IL1R1: variants seen among roughly 807,000 people sequenced by gnomAD.
IL1R1 encodes the protein interleukin-1 receptor type 1.
IL1R1 carries 22 observed loss-of-function variants against 50.2 expected under a neutral mutation model. The observed-to-expected ratio is 0.44, with a 90% confidence interval of 0.31 to 0.63. IL1R1 has a LOEUF of 0.63. IL1R1 is among the 20% of genes least tolerant of loss of function. The probability of loss-of-function intolerance (pLI) is 0.07; values close to 1 mark genes in which losing one functional copy is unlikely to be tolerated. For missense variants in IL1R1, 509 were observed against 676.2 expected (o/e 0.75, Z 2.74); for synonymous variants, 251 against 236.7 (o/e 1.06, Z -0.55).
chr2:102,128,222 C>G (rs1385391011), intron 1 of IL1R1, among the ~76,000 whole-genome samples: 1 of 152,142 alleles, frequency 6.6e-6, no homozygotes, highest in East Asian at 1.9e-4. Flanking sequence ...TTACTCTTTA[C>G]CCGAAAACTC....
chr2:102,160,946 C>T (rs568623136), intron 3 of IL1R1, among the ~76,000 whole-genome samples: 8 of 152,110 alleles, frequency 5.3e-5, no homozygotes, highest in South Asian at 2.1e-4. Flanking sequence ...CAGTCACCTT[C>T]GTAAATGAAG....
chr2:102,134,176 T>G (rs1172249691), intron 1 of IL1R1, among the ~76,000 whole-genome samples: 1 of 152,184 alleles, frequency 6.6e-6, no homozygotes, highest in Non-Finnish European at 1.5e-5. Flanking sequence ...TGGCCAAAGA[T>G]ATGCAAGATC....
At chr2:102,078,341 A>T (rs1460877133) in intron 1 of IL1R1, among the ~76,000 whole-genome samples, 2 of 152,060 alleles carry the variant, frequency 1.3e-5, no homozygotes, top group African/African-American at 2.4e-5. Context: ...AAATTGAAAG[A>T]TGACTCAAAT....
chr2:102,167,106 A>T lies in IL1R1; in HGVS notation c.655+825A>T, dbSNP rs563791099. 2.6e-5 allele frequency among the ~76,000 whole-genome samples: 4 copies of T among 152,300 alleles called. No individual in the cohort carries two copies. In the East Asian group the frequency reaches 7.7e-4, roughly 29 times the overall value. On this transcript the variant is annotated intron_variant, in intron 6 of 11. Transcript: ENST00000410023. ...TTTTTTGCAGGTTATAGGGGTGACT[A>T]TTAGTAGTTATGCTGGGACAACAGG...
At chr2:102,097,005 T>C (rs1354916919) in intron 1 of IL1R1, among the ~76,000 whole-genome samples, 2 of 152,150 alleles carry the variant, frequency 1.3e-5, no homozygotes, top group Admixed American at 6.5e-5. Flanking sequence ...GTACTAACTT[T>C]CCATAAGTAT....
intron 1 of IL1R1, among the ~76,000 whole-genome samples, chr2:102,109,522 A>G (rs971744767): frequency 3.5e-4 from 53 of 152,074 alleles, no homozygotes; most frequent in African/African-American, 1.3e-3. Context: ...CTGAGTGCTG[A>G]TGTATTTGGT....
At chr2:102,147,009 G>A (rs1442012552) in intron 1 of IL1R1, among the ~76,000 whole-genome samples, 3 of 152,226 alleles carry the variant, frequency 2.0e-5, no homozygotes, top group Non-Finnish European at 2.9e-5. Context: ...TGCCGAGATA[G>A]CAGGGCACCG....
At chr2:102,079,598 C>T (rs1679119818) in intron 1 of IL1R1, among the ~76,000 whole-genome samples, 1 of 152,054 alleles carries the variant, frequency 6.6e-6, no homozygotes, top group African/African-American at 2.4e-5. Context: ...TTTAAAATCG[C>T]TCAATTAATT....
chr2:102,091,381 CT>C (rs1171855512), intron 1 of IL1R1, among the ~76,000 whole-genome samples: 3 of 152,048 alleles, frequency 2.0e-5, no homozygotes, highest in African/African-American at 7.2e-5. Flanking sequence ...GGCCATTATC[CT>C]TTGAAAGCTG....
intron 1 of IL1R1, among the ~76,000 whole-genome samples, chr2:102,120,244 C>G (rs545644375): frequency 3.9e-5 from 6 of 151,972 alleles, no homozygotes; most frequent in Admixed American, 3.3e-4. Flanking sequence ...GTTTCATGAA[C>G]GTGTGTGTGG....
At chr2:102,145,458 G>T (rs1683036215) in intron 1 of IL1R1, among the ~76,000 whole-genome samples, 1 of 152,132 alleles carries the variant, frequency 6.6e-6, no homozygotes, top group Non-Finnish European at 1.5e-5. Flanking sequence ...GCTCTTTAAG[G>T]TCCCAGTCGC....
intron 1 of IL1R1, among the ~76,000 whole-genome samples, chr2:102,077,947 A>G (rs1679043309): frequency 6.6e-6 from 1 of 152,264 alleles, no homozygotes; most frequent in Non-Finnish European, 1.5e-5. Context: ...ATATGTGAAA[A>G]TTAAACAATA....
chr2:102,126,156 G>A (rs935007747), intron 1 of IL1R1, among the ~76,000 whole-genome samples: 7 of 152,268 alleles, frequency 4.6e-5, no homozygotes, highest in East Asian at 3.9e-4. Flanking sequence ...AAATTTAAAT[G>A]TATTACCTTA....
At chr2:102,122,278 G>A (rs905891956) in intron 1 of IL1R1, among the ~76,000 whole-genome samples, 1 of 152,164 alleles carries the variant, frequency 6.6e-6, no homozygotes, top group South Asian at 2.1e-4. Context: ...TGCATTCCAC[G>A]CCTCTGTCTC....
At chr2:102,131,387 G>A (rs537695344) in intron 1 of IL1R1, among the ~76,000 whole-genome samples, 1 of 152,212 alleles carries the variant, frequency 6.6e-6, no homozygotes, top group African/African-American at 2.4e-5. Context: ...ATAATGCAGA[G>A]GAAAATGAGT....
At chr2:102,101,745 C>T (rs916390894), upstream of IL1R1, among the ~76,000 whole-genome samples, 1 of 152,146 alleles carries the variant, frequency 6.6e-6, no homozygotes, top group African/African-American at 2.4e-5. Flanking sequence ...GACCATGTTA[C>T]TGATAAAATT....
rs199654206 is a variant in IL1R1, at chr2:102,179,127, G to C, written c.*2368G>C. 1 of 152,270 alleles carries C rather than the reference G, an allele frequency of 6.6e-6. No homozygotes were observed. The highest frequency in any genetic ancestry group is 1.5e-5 in the Non-Finnish European group (1 of 68,034). 9.4% of individuals were successfully genotyped at this position (152,270 alleles called of 1,614,324 possible). ...GAAGCCCATGGAGCAGGGATGTCAC[G>C]TCTTGAAAAGCCTATTAGATGTTTT... On this transcript the variant is annotated 3_prime_UTR_variant, in exon 12 of 12. Transcript: ENST00000410023.
chr2:102,083,495 C>G (rs981956688), intron 1 of IL1R1, among the ~76,000 whole-genome samples: 8 of 152,110 alleles, frequency 5.3e-5, no homozygotes, highest in Admixed American at 1.3e-4. Flanking sequence ...AGGGTAATCC[C>G]TGAGCTGGCC....
chr2:102,085,297 G>T (rs1183970446), intron 1 of IL1R1, among the ~76,000 whole-genome samples: 1 of 152,130 alleles, frequency 6.6e-6, no homozygotes, highest in Non-Finnish European at 1.5e-5. Flanking sequence ...CTACTCCAAA[G>T]TCATAAAAAT....
Sources: gnomAD v4.1 joint callset for allele counts (sites outside exome capture counted in the v4.1 genomes callset) on GRCh38, gnomAD v4.1.1 for gene constraint, MANE v1.5 for transcripts, NCBI Gene and HGNC (gene_info 2026-07-23, HGNC 2026-07-21) for gene names.